Variants in ASB18 observed in about 807,000 individuals in gnomAD.
ASB18 encodes ankyrin repeat and SOCS box containing 18, also known as ankyrin repeat and SOCS box protein 18.
A neutral mutation model predicts 33.4 loss-of-function variants in ASB18; 33 were observed. That is an observed-to-expected ratio of 0.99 (90% CI 0.75 to 1.32). The LOEUF is 1.32. ASB18 is among the 40% of genes most tolerant of loss of function. The pLI is 0.00. For synonymous variants in ASB18, 295 were observed against 307.6 expected, an observed-to-expected ratio of 0.96 and a Z score of 0.43; for missense variants, 694 against 655.5, an observed-to-expected ratio of 1.06 and a Z score of -0.64.
intron 3 of ASB18, among the ~76,000 whole-genome samples, chr2:236,227,328 G>T (rs569862315): frequency 4.1e-4 from 63 of 152,298 alleles, no homozygotes; most frequent in African/African-American, 1.3e-3. Flanking sequence ...ATTTGAAATA[G>T]TAAAATATAG....
At chr2:236,224,018 G>A (rs1394876015) in intron 3 of ASB18, among the ~76,000 whole-genome samples, 1 of 152,024 alleles carries the variant, frequency 6.6e-6, no homozygotes, top group East Asian at 1.9e-4. Context: ...GGGGACATAT[G>A]TTCCCATTTT....
In ASB18 at chr2:236,241,507, G is replaced by T. The variant is rs2060621112; in HGVS notation, c.206-105C>A. 7.2e-7 allele frequency: 1 copy of T among 1,382,024 alleles called. No homozygotes were observed. Among genetic ancestry groups the T allele is most frequent in the Non-Finnish European group, 1.0e-6 (1 of 988,704 alleles). 85.6% of individuals were successfully genotyped at this position (1,382,024 alleles called of 1,614,324 possible). A position where few individuals can be genotyped will look rare whatever the true frequency, so the allele number is the denominator to read the frequency against. ...TTGAAGTTTTCCTCTCACTGGCCCTGGCTGTCTCTCCATTGAGATGCCGTC... is the reference window on the plus strand; with the variant it reads ...TTGAAGTTTTCCTCTCACTGGCCCTTGCTGTCTCTCCATTGAGATGCCGTC... On this transcript the variant is annotated intron_variant, in intron 1 of 5. Transcript: ENST00000409749. The surrounding 1 kb of genome is among the most constrained non-coding windows in gnomAD (Gnocchi z 4.2).
Position 236,241,627 on chromosome 2 carries a change from C to A in ASB18, c.206-225G>T. The A allele has an allele frequency of 1.6e-6, 1 of 642,644 alleles. No homozygotes were observed. The allele number at this position is 642,644 out of a possible 1,614,324, so 39.8% of individuals were successfully genotyped here. ...ACTCAATTGTCATCCAGTTGGGGCT[C>A]GATGGTGGTATATTTATAACTCCTG... On this transcript the variant is annotated intron_variant, in intron 1 of 5. Coordinates refer to ENST00000409749, the MANE Select transcript of ASB18 (RefSeq NM_212556.4). This position sits in a 1 kb window ranked among gnomAD's most constrained non-coding sequence, Gnocchi z 4.2.
rs558828215 is a variant in ASB18, at chr2:236,208,233, G to A, written c.1101+6129C>T. ...CTGGCAGGAGGCCTGGGGCCAGCAC[G>A]GTCTTCCCAGCCCATCTCGCCAGCC... is the stretch of plus-strand genomic sequence containing the variant. On this transcript the variant is annotated intron_variant, in intron 4 of 5. Coordinates refer to ENST00000409749, the MANE Select transcript of ASB18 (RefSeq NM_212556.4). This position sits in a 1 kb window ranked among gnomAD's most constrained non-coding sequence, Gnocchi z 7.7. 2.6e-5 allele frequency among the ~76,000 whole-genome samples: 4 copies of A among 152,168 alleles called. No homozygotes were observed. The South Asian group carries it at 6.2e-4, about 24-fold the overall frequency.
rs1432415911 is a variant in ASB18, at chr2:236,213,817, C to T, written c.1101+545G>A. 6.5e-6 allele frequency: 1 copy of T among 154,950 alleles called. No homozygotes were observed. The highest frequency in any genetic ancestry group is 1.9e-4 in the East Asian group (1 of 5,196). 9.6% of individuals were successfully genotyped at this position (154,950 alleles called of 1,614,324 possible). A position where few individuals can be genotyped will look rare whatever the true frequency, so the allele number is the denominator to read the frequency against. ...GGTAGAGGGAGAATATCACCTGCCT[C>T]TCGTGTTTCACTGCAATGTGGTGAG... On this transcript the variant is annotated intron_variant, in intron 4 of 5. Transcript: ENST00000409749. The surrounding 1 kb of genome is among the most constrained non-coding windows in gnomAD (Gnocchi z 4.8).
rs1400945769 is a variant in ASB18, at chr2:236,228,193, A to G, written c.596+9496T>C. Among the ~76,000 whole-genome samples the G allele has an allele frequency of 6.6e-6, 1 of 152,230 alleles. No individual in the cohort carries two copies. The highest frequency in any genetic ancestry group is 2.4e-5 in the African/African-American group (1 of 41,464). ...TTGGAAAGAAAGCCTCCTGGTGGAAAGTGGAGAATGCTTGTAGCCAAGGAT... is the reference window on the plus strand; with the variant it reads ...TTGGAAAGAAAGCCTCCTGGTGGAAGGTGGAGAATGCTTGTAGCCAAGGAT... On this transcript the variant is annotated intron_variant, in intron 3 of 5. Coordinates refer to ENST00000409749, the MANE Select transcript of ASB18 (RefSeq NM_212556.4). This position sits in a 1 kb window ranked among gnomAD's most constrained non-coding sequence, Gnocchi z 5.1.
rs1415478825 is a variant in ASB18, at chr2:236,251,922, A to G, written c.206-10520T>C. Among the ~76,000 whole-genome samples, 1 of 152,160 alleles carries G rather than the reference A, an allele frequency of 6.6e-6. No homozygotes were observed. Among genetic ancestry groups the G allele is most frequent in the Non-Finnish European group, 1.5e-5 (1 of 68,036 alleles). On this transcript the variant is annotated intron_variant, in intron 1 of 5. Transcript: ENST00000409749. The surrounding 1 kb of genome is among the most constrained non-coding windows in gnomAD (Gnocchi z 5.3). ...GCTGTTCAGTTTGGAAATGTTCTAT[A>G]CTGAGTTTACATGTACAGAGCATTT...
chr2:236,237,810 C>G lies in ASB18; in HGVS notation c.475G>C (p.Ala159Pro). 3.6e-6 allele frequency: 5 copies of G among 1,398,200 alleles called. No homozygotes were observed. The highest frequency in any genetic ancestry group is 4.6e-6 in the Non-Finnish European group (5 of 1,084,382). 86.6% of individuals were successfully genotyped at this position (1,398,200 alleles called of 1,614,324 possible). A position where few individuals can be genotyped will look rare whatever the true frequency, so the allele number is the denominator to read the frequency against. ...SPGGRGALHE[A>P]CLGGHTACVR... is the part of the protein sequence containing the mutation. Reference sequence around the variant, plus strand: ...CAGGCGGTGTGGCCCCCGAGGCAGGCCTCGTGCAGGGCGCCGCGGCCGCCG... The same window carrying G: ...CAGGCGGTGTGGCCCCCGAGGCAGGGCTCGTGCAGGGCGCCGCGGCCGCCG... Residue 159 changes from alanine (A) to proline (P), a missense_variant, in exon 3 of 6, where the codon GCC (alanine) becomes CCC (proline). Coordinates refer to ENST00000409749, the MANE Select transcript of ASB18 (RefSeq NM_212556.4). The surrounding 1 kb of genome is among the most constrained non-coding windows in gnomAD (Gnocchi z 6.2).
intron 4 of ASB18, among the ~76,000 whole-genome samples, chr2:236,212,151 G>C (rs988404334): frequency 5.3e-5 from 8 of 152,174 alleles, no homozygotes; most frequent in Admixed American, 3.3e-4. Flanking sequence ...ACTTCCCATG[G>C]CTTTTTGGCC....
rs1186549654 is a variant in ASB18, at chr2:236,209,122, A to G, written c.1101+5240T>C. On this transcript the variant is annotated intron_variant, in intron 4 of 5. Transcript: ENST00000409749. The surrounding 1 kb of genome is among the most constrained non-coding windows in gnomAD (Gnocchi z 4.4). ...CTACTCCAGAAATCTCCCACTAAAA[A>G]TCCTGTGGAATTGGGATAAGCGAAG... 4.1e-5 allele frequency among the ~76,000 whole-genome samples: 6 copies of G among 146,230 alleles called. No individual in the cohort carries two copies. The East Asian group carries it at 8.2e-4, about 20-fold the overall frequency.
At chr2:236,243,069 G>A (rs2060628952) in intron 1 of ASB18, among the ~76,000 whole-genome samples, 1 of 132,798 alleles carries the variant, frequency 7.5e-6, no homozygotes, top group East Asian at 2.4e-4. Context: ...AGTGGCTCAC[G>A]CCTGTAATCC....
At chr2:236,212,578 G>C (rs1466206) in intron 4 of ASB18, among the ~76,000 whole-genome samples, 27,329 of 151,866 alleles carry the variant, frequency 0.18, 2,492 homozygotes, top group East Asian at 0.26. Context: ...AAAATAATTG[G>C]CCCAGATATT....
Position 236,225,891 on chromosome 2 carries a change from C to T in ASB18, c.597-11025G>A, listed in dbSNP as rs1449974658. ...CCAACTAAAAGGGGATGGAGCAGAA[C>T]GGGGTCCCTAGGTGTGGAGACCATT... is the stretch of plus-strand genomic sequence containing the variant. On this transcript the variant is annotated intron_variant, in intron 3 of 5. Transcript: ENST00000409749. This position sits in a 1 kb window ranked among gnomAD's most constrained non-coding sequence, Gnocchi z 5.1. Among the ~76,000 whole-genome samples the T allele has an allele frequency of 2.6e-5, 4 of 151,840 alleles. No individual in the cohort carries two copies. The highest frequency in any genetic ancestry group is 6.6e-5 in the Admixed American group (1 of 15,240).
At chr2:236,261,705 G>A (rs867923836) in intron 1 of ASB18, among the ~76,000 whole-genome samples, 1 of 152,312 alleles carries the variant, frequency 6.6e-6, no homozygotes, top group South Asian at 2.1e-4. Flanking sequence ...TGCTGATAAA[G>A]ACATACCAGA....
chr2:236,199,134 G>A (rs551869211), intron 4 of ASB18, among the ~76,000 whole-genome samples: 3 of 152,120 alleles, frequency 2.0e-5, no homozygotes, highest in Non-Finnish European at 2.9e-5. Context: ...TTTCCAGGTC[G>A]GAAGTGGTGG....
At chr2:236,198,664 C>T (rs575210024) in intron 4 of ASB18, among the ~76,000 whole-genome samples, 1 of 152,338 alleles carries the variant, frequency 6.6e-6, no homozygotes, top group South Asian at 2.1e-4. Context: ...CTGTGCCCAG[C>T]CCAATATGGA....
rs73128937 is a variant in ASB18, at chr2:236,245,779, C to T, written c.206-4377G>A. Among the ~76,000 whole-genome samples the T allele has an allele frequency of 0.054, 8,201 of 152,242 alleles. 462 individuals carry two copies. Among genetic ancestry groups the T allele is most frequent in the African/African-American group, 0.14 (5,973 of 41,520 alleles). ...CCTCTCTGGGAAGTTCTTCATGCCC[C>T]GCATGGTGTTCCACACAGAGAAGGT... On this transcript the variant is annotated intron_variant, in intron 1 of 5. Transcript: ENST00000409749. This position sits in a 1 kb window ranked among gnomAD's most constrained non-coding sequence, Gnocchi z 4.7.
Position 236,245,387 on chromosome 2 carries a change from ATCCTGACATAGCCAGTGCCC to A in ASB18, c.206-4005_206-3986del, listed in dbSNP as rs2060640298. Among the ~76,000 whole-genome samples, 2 of 152,178 alleles carry A rather than the reference ATCCTGACATAGCCAGTGCCC, an allele frequency of 1.3e-5. No individual in the cohort carries two copies. Among genetic ancestry groups the A allele is most frequent in the South Asian group, 4.1e-4 (2 of 4,830 alleles). On this transcript the variant is annotated intron_variant, in intron 1 of 5. Coordinates refer to ENST00000409749, the MANE Select transcript of ASB18 (RefSeq NM_212556.4). This position sits in a 1 kb window ranked among gnomAD's most constrained non-coding sequence, Gnocchi z 4.7. Reference sequence around the variant, plus strand: ...CAGTTACCTTTCTCAAGATTTCTGAATCCTGACATAGCCAGTGCCCAAGCACCTTCCCGTGAGTAAAAGGG... The same window carrying A: ...CAGTTACCTTTCTCAAGATTTCTGAAAAGCACCTTCCCGTGAGTAAAAGGG...
In ASB18 at chr2:236,263,193, C is replaced by T. The variant is rs914387441; in HGVS notation, c.205+948G>A. ...AAATCACAGGTCAGGAAAACACTTT[C>T]AGGAAACCTAACAAAGGGATGATGT... is the stretch of plus-strand genomic sequence containing the variant. On this transcript the variant is annotated intron_variant, in intron 1 of 5. Coordinates refer to ENST00000409749, the MANE Select transcript of ASB18 (RefSeq NM_212556.4). The surrounding 1 kb of genome is among the most constrained non-coding windows in gnomAD (Gnocchi z 4.0). 6.6e-6 allele frequency among the ~76,000 whole-genome samples: 1 copy of T among 152,194 alleles called. No homozygotes were observed. Among genetic ancestry groups the T allele is most frequent in the African/African-American group, 2.4e-5 (1 of 41,450 alleles).
Sources: allele counts gnomAD v4.1 joint callset (sites outside exome capture counted in the v4.1 genomes callset), GRCh38; gene constraint gnomAD v4.1.1; non-coding constraint Gnocchi (gnomAD v3.1); transcripts MANE v1.5; gene names NCBI Gene and HGNC (gene_info 2026-07-23, HGNC 2026-07-21).